MUC4: variants seen among roughly 807,000 people sequenced by gnomAD.
MUC4 encodes mucin 4, cell surface associated.
MUC4 carries 202 observed loss-of-function variants against 257.9 expected under a neutral mutation model. The ratio of observed to expected loss-of-function variants is 0.78; its 90% CI spans 0.70 to 0.88. The LOEUF is 0.88. Among genes scored for constraint, MUC4 ranks in the 40% least tolerant of loss-of-function variants. MUC4 has a pLI of 0.00. For missense variants in MUC4, 5,976 were observed against 6,513.7 expected (o/e 0.92, Z 2.84); for synonymous variants, 2,351 against 2,757.1 (o/e 0.85, Z 4.62).
chr3:195,767,698 A>ACC (rs1721415942), intron 7 of MUC4, among the ~76,000 whole-genome samples: 1 of 39,864 alleles, frequency 2.5e-5, no homozygotes, highest in Admixed American at 2.0e-4. Context: ...CCACCCCCCA[A>ACC]AAAATACCAC....
At position 195,786,290 on chromosome 3, in the gene MUC4, T is replaced by G. The variant is rs1001248567; in HGVS notation, c.5290A>C (p.Thr1764Pro). Reference protein sequence around the residue: ...STGQATPLPVTDTSSVSTAHA... With the variant: ...STGQATPLPVPDTSSVSTAHA... ...GCTGTGGATACTGAGGAAGTGTCGG[T>G]GACAGGAAGAGGGGTGGCCTGACCT... The change falls in exon 2 of 25, where the codon ACC (threonine) becomes CCC (proline). Residue 1764 changes from threonine to proline, a missense_variant. Around this residue, in one of 44 missense-constraint regions of MUC4, gnomAD observed 138 missense variants for 107.8 expected, o/e 1.28. Coordinates refer to ENST00000463781, the MANE Select transcript of MUC4 (RefSeq NM_018406.7). The G allele has an allele frequency of 2.4e-5, 36 of 1,519,548 alleles. No individual in the cohort carries two copies. Among genetic ancestry groups the G allele is most frequent in the Non-Finnish European group, 3.1e-5 (35 of 1,126,762 alleles). The allele number at this position is 1,519,548 out of a possible 1,614,324, so 94.1% of individuals were successfully genotyped here.
rs1731042554 is a variant in MUC4, at chr3:195,785,315, TTG to T, written c.6263_6264del (p.Ser2088TyrfsTer27). 6.6e-7 allele frequency: 1 copy of T among 1,517,864 alleles called. No homozygotes were observed. The highest frequency in any genetic ancestry group is 8.9e-7 in the Non-Finnish European group (1 of 1,129,404). The allele number at this position is 1,517,864 out of a possible 1,614,324, so 94.0% of individuals were successfully genotyped here. The part of the protein sequence containing the change: ...ATPLLVTDAS[S>X]ISTGHATSLL... ...AGAGAGGTGGCGTGACCTGTGGATA[TTG>T]AGGAAGCGTCGGTGACAAGAAGAGG... is the stretch of plus-strand genomic sequence containing the variant. On this transcript the variant is annotated frameshift_variant, in exon 2 of 25. Coordinates refer to ENST00000463781, the MANE Select transcript of MUC4 (RefSeq NM_018406.7). LOFTEE classifies it high-confidence loss of function.
chr3:195,811,837 CT>C lies in MUC4; in HGVS notation c.-21del, dbSNP rs1736790372. The C allele has an allele frequency of 6.2e-7, 1 of 1,612,098 alleles. No individual in the cohort carries two copies. Among genetic ancestry groups the C allele is most frequent in the Non-Finnish European group, 8.5e-7 (1 of 1,178,780 alleles). Reference sequence around the variant, plus strand: ...CTTCATGGCTGCGGCAAAAGTCCCCCTGGCTCCCTGGGGAAGCTCCACGGCC... The same window carrying C: ...CTTCATGGCTGCGGCAAAAGTCCCCCGGCTCCCTGGGGAAGCTCCACGGCC... On this transcript the variant is annotated 5_prime_UTR_variant, in exon 1 of 25. Transcript: ENST00000463781.
At chr3:195,802,737 C>T (rs902038619) in intron 1 of MUC4, among the ~76,000 whole-genome samples, 2 of 152,172 alleles carry the variant, frequency 1.3e-5, no homozygotes, top group Admixed American at 6.5e-5. Context: ...CGTCTGTGTG[C>T]GTGGCAGGGT....
rs1433029829 is a variant in MUC4 at position 195,767,765 on chromosome 3, A to G, written c.13530-1014T>C. Among the ~76,000 whole-genome samples, 103 of 109,010 alleles carry G rather than the reference A, an allele frequency of 9.4e-4. 2 individuals are homozygous for G. The highest frequency in any genetic ancestry group is 1.4e-3 in the Non-Finnish European group (75 of 54,758). The allele number at this position is 109,010 out of a possible 152,430, so 71.5% of individuals were successfully genotyped here. On this transcript the variant is annotated intron_variant, in intron 7 of 24. Coordinates refer to ENST00000463781, the MANE Select transcript of MUC4 (RefSeq NM_018406.7). The stretch of plus-strand genomic sequence containing the variant: ...CACCATCGCCACCACCACCATCACC[A>G]CCACCACCACCATCACCACCATCAT...
At chr3:195,750,757 A>C in intron 23 of MUC4, 132 bp downstream of exon 23, 1 of 861,910 alleles carries the variant, frequency 1.2e-6, no homozygotes, top group Non-Finnish European at 1.8e-6. Context: ...CAGCTGGACA[A>C]AATGTTCACG....
At chr3:195,752,543 A>C (rs901226859) in intron 20 of MUC4, 97 bp from the exon 21 acceptor site, 10 of 1,030,180 alleles carry the variant, frequency 9.7e-6, no homozygotes, top group Non-Finnish European at 1.5e-5. Flanking sequence ...GCTCCATTCC[A>C]GTGACAGAAG....
intron 3 of MUC4, among the ~76,000 whole-genome samples, chr3:195,775,619 GTCATACCTT>G (rs1724360623): frequency 6.2e-5 from 2 of 32,504 alleles, no homozygotes; most frequent in Non-Finnish European, 6.2e-5. Flanking sequence ...ACCTTCCACA[GTCATACCTT>G]CCACACCCAT....
chr3:195,795,853 T>TGA (rs1734516925), intron 1 of MUC4, among the ~76,000 whole-genome samples: 2 of 78,804 alleles, frequency 2.5e-5, no homozygotes, highest in South Asian at 4.2e-4. Flanking sequence ...GGGAGGGGGG[T>TGA]GGGAGGAGGG....
In MUC4 at chr3:195,811,786, C is replaced by A. The variant is rs1736783347; in HGVS notation, c.32G>T (p.Trp11Leu). ...GAGACACAGGCAGCTCAGGGACACC[C>A]AGGGGACCCTCCTCCAGCGTGCCCC... MKGARWRRVP[W>L]VSLSCLCLCL... Residue 11 changes from tryptophan to leucine, a missense_variant, in exon 1 of 25, where the codon TGG (tryptophan) becomes TTG (leucine). Physicochemically the swap from Trp to Leu is moderately conservative, Grantham distance 61. Around this residue, in one of 44 missense-constraint regions of MUC4, gnomAD observed 1,583 missense variants for 1,257.4 expected, o/e 1.26. Coordinates refer to ENST00000463781, the MANE Select transcript of MUC4 (RefSeq NM_018406.7). 6.2e-7 allele frequency: 1 copy of A among 1,613,914 alleles called. No homozygotes were observed. The highest frequency in any genetic ancestry group is 8.5e-7 in the Non-Finnish European group (1 of 1,180,000).
intron 17 of MUC4, among the ~76,000 whole-genome samples, chr3:195,758,884 A>G (rs1208001680): frequency 1.3e-5 from 2 of 151,906 alleles, no homozygotes; most frequent in Non-Finnish European, 2.9e-5. Flanking sequence ...AATCAGTTCT[A>G]TGTGCCCAGA....
Position 195,783,228 on chromosome 3 carries a change from A to C in MUC4, c.8352T>G (p.Pro2784=), listed in dbSNP as rs1729256712. Residue 2784 remains proline (P), a synonymous_variant, in exon 2 of 25, where the codon CCT becomes CCG. Coordinates refer to ENST00000463781, the MANE Select transcript of MUC4 (RefSeq NM_018406.7). The part of the protein sequence containing the change: ...TSSVSTGHAT[P]LHVTSPSSAS... ...CTGAGGAAGGGCTGGTGACATGAAG[A>C]GGGGTGGCGTGACCTGTGGATACTG... is the stretch of plus-strand genomic sequence containing the variant. 2 of 1,362,196 alleles carry C rather than the reference A, an allele frequency of 1.5e-6. No individual in the cohort carries two copies. Among genetic ancestry groups the C allele is most frequent in the African/African-American group, 3.2e-5 (2 of 62,928 alleles). The allele number at this position is 1,362,196 out of a possible 1,614,324, so 84.4% of individuals were successfully genotyped here. A position where few individuals can be genotyped will look rare whatever the true frequency, so the allele number is the denominator to read the frequency against.
rs139285983 is a variant in MUC4 at position 195,789,479 on chromosome 3, C to T, written c.2101G>A (p.Gly701Arg). ...GGGGCCTGGGTTGTGTGACCATCCCCGGTGGGAGCTGGGGCAAAGGTTGTT... is the reference window on the plus strand; with the variant it reads ...GGGGCCTGGGTTGTGTGACCATCCCTGGTGGGAGCTGGGGCAAAGGTTGTT... ...AATTFAPAPT[G>R]DGHTTQAPTT... The change falls in exon 2 of 25, where the codon GGG becomes AGG. Residue 701 changes from glycine (G) to arginine (R), a missense_variant. Physicochemically the swap from Gly to Arg is moderately radical, Grantham distance 125 (BLOSUM62 -2). Around this residue, in one of 44 missense-constraint regions of MUC4, gnomAD observed 1,583 missense variants for 1,257.4 expected, o/e 1.26. Transcript: ENST00000463781. 0.013 allele frequency: 20,375 copies of T among 1,613,886 alleles called. 2,347 individuals are homozygous for T. In the Admixed American group the frequency reaches 0.26, roughly 20 times the overall value.
Position 195,755,285 on chromosome 3 carries a change from T to C in MUC4, c.15169-913A>G, listed in dbSNP as rs1033839158. 3.3e-5 allele frequency among the ~76,000 whole-genome samples: 5 copies of C among 151,804 alleles called. No individual in the cohort carries two copies. Among genetic ancestry groups the C allele is most frequent in the African/African-American group, 1.2e-4 (5 of 41,278 alleles). ...ATCTCGGCTCACTGCAATGTCCCCC[T>C]CCCAAGTTAAAGCAATTCTTGTGCC... On this transcript the variant is annotated intron_variant, in intron 18 of 24. Transcript: ENST00000463781. The surrounding 1 kb of genome is among the most constrained non-coding windows in gnomAD (Gnocchi z 5.0).
chr3:195,805,219 G>A (rs1397251262), intron 1 of MUC4, among the ~76,000 whole-genome samples: 1 of 151,970 alleles, frequency 6.6e-6, no homozygotes, highest in Non-Finnish European at 1.5e-5. Flanking sequence ...AACGATCCCC[G>A]CCGAAGTCAC....
rs1264599471 is a variant in MUC4 at position 195,811,720 on chromosome 3, T to C, written c.82+16A>G. ...GCTCCCCGCAGCCAGCCTCATCTGC[T>C]GTCTCCATCACTTACCTGGGACCAC... On this transcript the variant is annotated intron_variant, in intron 1 of 24. Transcript: ENST00000463781. 47 of 1,613,264 alleles carry C rather than the reference T, an allele frequency of 2.9e-5. No individual in the cohort carries two copies. The East Asian group carries it at 8.7e-4, about 30-fold the overall frequency.
At position 195,770,831 on chromosome 3, in the gene MUC4, A is replaced by T. The variant is rs546567365; in HGVS notation, c.13243-460T>A. 3.5e-5 allele frequency: 16 copies of T among 458,182 alleles called. 1 individual carries two copies. The highest frequency in any genetic ancestry group is 2.5e-4 in the South Asian group (16 of 64,450). The allele number at this position is 458,182 out of a possible 1,614,324, so 28.4% of individuals were successfully genotyped here. On this transcript the variant is annotated intron_variant, in intron 5 of 24. Transcript: ENST00000463781. ...CTGATTGGAGTTATTCACCCAGTCCAGGAGCACAGGACGGGCCCTCTTGAC... is the reference window on the plus strand; with the variant it reads ...CTGATTGGAGTTATTCACCCAGTCCTGGAGCACAGGACGGGCCCTCTTGAC...
chr3:195,789,297 G>T lies in MUC4; in HGVS notation c.2283C>A (p.Ser761Arg). 1 of 1,613,908 alleles carries T rather than the reference G, an allele frequency of 6.2e-7. No homozygotes were observed. The highest frequency in any genetic ancestry group is 8.5e-7 in the Non-Finnish European group (1 of 1,179,866). ...PEGQWTSASA[S>R]TSPDTAAAMT... Reference sequence around the variant, plus strand: ...TGGCTGCTGCTGTGTCAGGTGAGGTGCTGGCAGAGGCTGATGTCCATTGTC... The same window carrying T: ...TGGCTGCTGCTGTGTCAGGTGAGGTTCTGGCAGAGGCTGATGTCCATTGTC... Residue 761 changes from serine to arginine, a missense_variant, in exon 2 of 25, where the codon AGC (serine) becomes AGA (arginine). Around this residue, in one of 44 missense-constraint regions of MUC4, gnomAD observed 1,583 missense variants for 1,257.4 expected, o/e 1.26. Coordinates refer to ENST00000463781, the MANE Select transcript of MUC4 (RefSeq NM_018406.7).
rs1733153075 is a variant in MUC4 at position 195,788,351 on chromosome 3, T to TA, written c.3228_3229insT (p.Ser1077Ter). 6.6e-7 allele frequency: 1 copy of TA among 1,510,690 alleles called. No homozygotes were observed. The highest frequency in any genetic ancestry group is 2.2e-5 in the African/African-American group (1 of 46,478). The allele number at this position is 1,510,690 out of a possible 1,614,324, so 93.6% of individuals were successfully genotyped here. On this transcript the variant is annotated frameshift_variant, in exon 2 of 25. Transcript: ENST00000463781. LOFTEE classifies it high-confidence loss of function. ...TCACCTGTGGATGCTGAGGAAAGGC[T>TA]GGTGACAGGAAGAGGGGTGACGTGA...
Sources: allele counts gnomAD v4.1 joint callset (sites outside exome capture counted in the v4.1 genomes callset), GRCh38; gene constraint gnomAD v4.1.1; regional missense constraint gnomAD v4.1.1; non-coding constraint Gnocchi (gnomAD v3.1); transcripts MANE v1.5; gene names NCBI Gene and HGNC (gene_info 2026-07-23, HGNC 2026-07-21).